Variants in CAPS2 observed in about 807,000 individuals in gnomAD.
CAPS2 encodes the protein calcyphosine 2, also known as calcyphosin-2.
CAPS2 carries 98 observed loss-of-function variants against 86.5 expected under a neutral mutation model. The ratio of observed to expected loss-of-function variants is 1.13; its 90% CI spans 0.96 to 1.34. The LOEUF is 1.34. Ranked by LOEUF, CAPS2 falls within the 40% of genes most tolerant of loss-of-function variation. The probability of loss-of-function intolerance (pLI) is 0.00; values close to 1 mark genes in which losing one functional copy is unlikely to be tolerated. For missense variants in CAPS2, 729 were observed against 686.8 expected (o/e 1.06, Z -0.69); for synonymous variants, 210 against 225.1 (o/e 0.93, Z 0.60).
At chr12:75,342,760 TAATC>T (rs2042200288) in intron 1 of CAPS2, among the ~76,000 whole-genome samples, 1 of 152,140 alleles carries the variant, frequency 6.6e-6, no homozygotes, top group African/African-American at 2.4e-5. Context: ...TTATATGTCA[TAATC>T]AATATTCTTT....
chr12:75,299,151 G>T (rs988479132), intron 9 of CAPS2, among the ~76,000 whole-genome samples, 185 bp from the exon 10 acceptor site: 5 of 152,144 alleles, frequency 3.3e-5, no homozygotes, highest in African/African-American at 1.2e-4. Flanking sequence ...CTAAAAGTTA[G>T]ATTTGAATGC....
At chr12:75,340,959 A>T (rs1426376132) in intron 1 of CAPS2, among the ~76,000 whole-genome samples, 1 of 152,078 alleles carries the variant, frequency 6.6e-6, no homozygotes, top group African/African-American at 2.4e-5. Context: ...GAGAAAATTG[A>T]TCAGTCTTAC....
intron 14 of CAPS2, among the ~76,000 whole-genome samples, chr12:75,289,058 T>C (rs370420182): frequency 1.9e-4 from 29 of 152,214 alleles, no homozygotes; most frequent in African/African-American, 6.5e-4. Flanking sequence ...GGGAACAGTA[T>C]ATGTGAAGAT....
At chr12:75,302,272 G>A (rs1349180774) in intron 8 of CAPS2, among the ~76,000 whole-genome samples, 2 of 152,178 alleles carry the variant, frequency 1.3e-5, no homozygotes, top group African/African-American at 4.8e-5. Context: ...CTTTAAACAA[G>A]CTGTAGGTAT....
chr12:75,375,565 A>G (rs2044607636), intron 1 of CAPS2, among the ~76,000 whole-genome samples: 1 of 152,176 alleles, frequency 6.6e-6, no homozygotes, highest in Non-Finnish European at 1.5e-5. Flanking sequence ...TGCGTCTGAA[A>G]GTGGTTCAAG....
At chr12:75,335,012 A>C, upstream of CAPS2, 1 of 1,073,020 alleles carries the variant, frequency 9.3e-7, no homozygotes, top group Non-Finnish European at 1.3e-6. Flanking sequence ...CTTTACATAT[A>C]TGCAGTTAAA....
intron 1 of CAPS2, among the ~76,000 whole-genome samples, chr12:75,338,710 C>T (rs966001125): frequency 6.6e-6 from 1 of 152,196 alleles, no homozygotes; most frequent in Admixed American, 6.5e-5. Flanking sequence ...ACGTATTAAG[C>T]CCAGCATCTA....
intron 1 of CAPS2, among the ~76,000 whole-genome samples, chr12:75,349,907 C>T (rs1246198022): frequency 6.6e-6 from 1 of 152,204 alleles, no homozygotes; most frequent in Non-Finnish European, 1.5e-5. Flanking sequence ...AGCTGCAATA[C>T]AACTTTTAGT....
At chr12:75,292,718 A>G (rs1042281469) in intron 12 of CAPS2, among the ~76,000 whole-genome samples, 5 of 147,508 alleles carry the variant, frequency 3.4e-5, no homozygotes, top group Middle Eastern at 3.3e-3. Context: ...TATATTATAT[A>G]TAATATCACA....
intron 1 of CAPS2, among the ~76,000 whole-genome samples, chr12:75,382,998 T>C (rs1444099112): frequency 6.6e-6 from 1 of 152,188 alleles, no homozygotes; most frequent in Non-Finnish European, 1.5e-5. Flanking sequence ...ATAAAATAAC[T>C]TAAAACTGTT....
At chr12:75,350,674 C>T (rs2042745936) in intron 1 of CAPS2, among the ~76,000 whole-genome samples, 1 of 152,226 alleles carries the variant, frequency 6.6e-6, no homozygotes, top group African/African-American at 2.4e-5. Flanking sequence ...AAAAAGACCA[C>T]AAAAACCCCA....
exon 17 of CAPS2, chr12:75,278,567 T>G: frequency 9.9e-7 from 1 of 1,013,780 alleles, no homozygotes; most frequent in Non-Finnish European, 1.2e-6. Flanking sequence ...AGATGTAACT[T>G]TCCTACTGAA....
intron 1 of CAPS2, among the ~76,000 whole-genome samples, chr12:75,366,572 G>A (rs189376132): frequency 3.1e-3 from 474 of 152,066 alleles, no homozygotes; most frequent in Non-Finnish European, 5.9e-3. Flanking sequence ...TGCAAAGAGA[G>A]GCACCCTAAA....
intron 1 of CAPS2, among the ~76,000 whole-genome samples, chr12:75,352,051 A>C (rs111676933): frequency 0.015 from 2,242 of 152,368 alleles, 72 homozygotes; most frequent in African/African-American, 0.052. Flanking sequence ...ACTACAAAAA[A>C]CATGCTGAAG....
intron 1 of CAPS2, among the ~76,000 whole-genome samples, chr12:75,341,679 C>T (rs1239575049): frequency 6.6e-6 from 1 of 151,442 alleles, no homozygotes; most frequent in African/African-American, 2.4e-5. Flanking sequence ...ATCTCCTGAT[C>T]TCGTGATCCG....
chr12:75,326,310 T>G, intron 1 of CAPS2, 108 bp downstream of exon 2: 1 of 463,632 alleles, frequency 2.2e-6, no homozygotes, highest in East Asian at 3.1e-5. Flanking sequence ...CTAGGAAATG[T>G]TGATCCTAAA....
chr12:75,282,744 T>C (rs910835983), intron 15 of CAPS2, among the ~76,000 whole-genome samples: 49 of 152,318 alleles, frequency 3.2e-4, no homozygotes, highest in Admixed American at 4.6e-4. Context: ...TATTCTATTT[T>C]ACAGTAGGTT....
At position 75,306,689 on chromosome 12, in the gene CAPS2, G is replaced by T. The variant is rs560886822; in HGVS notation, c.660-1813C>A. On this transcript the variant is annotated intron_variant, in intron 7 of 16. Transcript: ENST00000393284. Reference sequence around the variant, plus strand: ...TTCTTTCGTATGGGACTGATGATGTGTATTGGGGTAGGCTGCTCCTGGAAA... The same window carrying T: ...TTCTTTCGTATGGGACTGATGATGTTTATTGGGGTAGGCTGCTCCTGGAAA... Among the ~76,000 whole-genome samples, 15 of 152,260 alleles carry T rather than the reference G, an allele frequency of 9.9e-5. 1 individual carries two copies. The highest frequency in any genetic ancestry group is 9.1e-4 in the Admixed American group (14 of 15,304).
chr12:75,306,286 C>G, intron 7 of CAPS2: 1 of 609,842 alleles, frequency 1.6e-6, no homozygotes, highest in Non-Finnish European at 2.9e-6. Flanking sequence ...TACTGGGAAG[C>G]TATGGAGGAG....
Sources: allele counts gnomAD v4.1 joint callset (sites outside exome capture counted in the v4.1 genomes callset), GRCh38; gene constraint gnomAD v4.1.1; transcripts MANE v1.5; gene names NCBI Gene and HGNC (gene_info 2026-07-23, HGNC 2026-07-21).